FBXL19: variants seen among roughly 807,000 people sequenced by gnomAD.
FBXL19 encodes the protein F-box/LRR-repeat protein 19.
FBXL19 carries 16 observed loss-of-function variants against 71.2 expected under a neutral mutation model. The observed-to-expected ratio is 0.22, with a 90% CI of 0.15 to 0.34. The LOEUF is 0.34. Among genes scored for constraint, FBXL19 ranks in the 10% least tolerant of loss-of-function variants. FBXL19 has a pLI of 1.00. For synonymous variants in FBXL19, 447 were observed against 409.4 expected (o/e 1.09, Z -1.11); for missense variants, 658 against 968.2 (o/e 0.68, Z 4.25).
Position 30,948,302 on chromosome 16 carries a change from G to T in FBXL19, c.*1072G>T, listed in dbSNP as rs571411324. The T allele has an allele frequency of 1.2e-4, 19 of 153,266 alleles. No homozygotes were observed. The South Asian group carries it at 3.6e-3, about 29-fold the overall frequency. The allele number at this position is 153,266 out of a possible 1,614,324, so 9.5% of individuals were successfully genotyped here. On this transcript the variant is annotated 3_prime_UTR_variant, in exon 11 of 11. Coordinates refer to ENST00000338343, the MANE Select transcript of FBXL19 (RefSeq NM_001382779.1). ...GGAAACTTGTATCCCATTTGCCCAG[G>T]GAACTGCCACTCCTGGTTGCCATGG... is the stretch of plus-strand genomic sequence containing the variant.
rs1455245691 is a variant in FBXL19 at position 30,946,632 on chromosome 16, TCA to T, written c.1628-96_1628-95del. 2.5e-6 allele frequency: 3 copies of T among 1,189,940 alleles called. No individual in the cohort carries two copies. The African/African-American group carries it at 4.5e-5, about 18-fold the overall frequency. 73.7% of individuals were successfully genotyped at this position (1,189,940 alleles called of 1,614,324 possible). On this transcript the variant is annotated intron_variant, in intron 9 of 10. Transcript: ENST00000338343. This position sits in a 1 kb window ranked among gnomAD's most constrained non-coding sequence, Gnocchi z 6.7. ...CAAGCCACAGAGTGCACCAGGTCACTCACTTATGTGGGAAGCAGGTGGAGGGC... is the reference window on the plus strand; with the variant it reads ...CAAGCCACAGAGTGCACCAGGTCACTCTTATGTGGGAAGCAGGTGGAGGGC...
chr16:30,930,681 T>G lies in FBXL19; in HGVS notation c.1301+97T>G. On this transcript the variant is annotated intron_variant, in intron 7 of 10. Coordinates refer to ENST00000338343, the MANE Select transcript of FBXL19 (RefSeq NM_001382779.1). This position sits in a 1 kb window ranked among gnomAD's most constrained non-coding sequence, Gnocchi z 8.5. The stretch of plus-strand genomic sequence containing the variant: ...CTCTGGCCCTCTCTGGGCCTTGCTT[T>G]TATATTGGGGATACTTCTCTAGTAT... 1 of 1,290,856 alleles carries G rather than the reference T, an allele frequency of 7.7e-7. No homozygotes were observed. The highest frequency in any genetic ancestry group is 1.0e-6 in the Non-Finnish European group (1 of 993,784). The allele number at this position is 1,290,856 out of a possible 1,614,324, so 80.0% of individuals were successfully genotyped here.
chr16:30,927,469 C>T lies in FBXL19; in HGVS notation c.321+18C>T, dbSNP rs1185094421. ...GCCTGAAGGTGATGGCCCTGGGACCCCGGCGTCTGGGGTGGGGCAGATTGT... is the reference window on the plus strand; with the variant it reads ...GCCTGAAGGTGATGGCCCTGGGACCTCGGCGTCTGGGGTGGGGCAGATTGT... On this transcript the variant is annotated intron_variant, in intron 3 of 10. Coordinates refer to ENST00000338343, the MANE Select transcript of FBXL19 (RefSeq NM_001382779.1). 4 of 1,582,094 alleles carry T rather than the reference C, an allele frequency of 2.5e-6. No homozygotes were observed. The Admixed American group carries it at 7.3e-5, about 29-fold the overall frequency.
rs1202942866 is a variant in FBXL19, at chr16:30,927,401, C to T, written c.271C>T (p.Leu91Phe). 1 of 1,593,786 alleles carries T rather than the reference C, an allele frequency of 6.3e-7. No homozygotes were observed. The highest frequency in any genetic ancestry group is 8.5e-7 in the Non-Finnish European group (1 of 1,170,100). ...EGEEEKFGLS[L>F]MECTICNEIV... ...AGAGGAAGAGAAATTTGGTTTGAGC[C>T]TCATGGAGTGTACAATCTGCAACGA... Residue 91 changes from leucine to phenylalanine, a missense_variant, in exon 3 of 11, where the codon CTC becomes TTC. Coordinates refer to ENST00000338343, the MANE Select transcript of FBXL19 (RefSeq NM_001382779.1).
chr16:30,924,812 A>C, intron 1 of FBXL19: 1 of 1,381,516 alleles, frequency 7.2e-7, no homozygotes, highest in Non-Finnish European at 9.5e-7. Flanking sequence ...CTAATTCCAC[A>C]TGGGATCTTG....
At position 30,942,632 on chromosome 16, in the gene FBXL19, A is replaced by G; in HGVS notation, c.1627+96A>G. ...TCTGACTCATGCTGGATGGTAAAGT[A>G]TTTGAAGAAAGGAAAGAATACATGA... On this transcript the variant is annotated intron_variant, in intron 9 of 10. Transcript: ENST00000338343. This position sits in a 1 kb window ranked among gnomAD's most constrained non-coding sequence, Gnocchi z 5.7. 5 of 1,434,348 alleles carry G rather than the reference A, an allele frequency of 3.5e-6. No individual in the cohort carries two copies. Among genetic ancestry groups the G allele is most frequent in the Non-Finnish European group, 4.6e-6 (5 of 1,095,722 alleles). 88.9% of individuals were successfully genotyped at this position (1,434,348 alleles called of 1,614,324 possible).
chr16:30,935,012 C>T (rs1567340000), intron 7 of FBXL19, among the ~76,000 whole-genome samples: 1 of 152,098 alleles, frequency 6.6e-6, no homozygotes, highest in Non-Finnish European at 1.5e-5. Flanking sequence ...GGTGTGCCCC[C>T]GAGTAGAGAA....
In FBXL19 at chr16:30,930,742, G is replaced by A. The variant is rs1007901943; in HGVS notation, c.1301+158G>A. On this transcript the variant is annotated intron_variant, in intron 7 of 10. Transcript: ENST00000338343. This position sits in a 1 kb window ranked among gnomAD's most constrained non-coding sequence, Gnocchi z 8.5. Reference sequence around the variant, plus strand: ...CAGTGCATCCTTCCGTATTTCCCGTGTGCAGGCTACTTTCCACTTATGGGC... The same window carrying A: ...CAGTGCATCCTTCCGTATTTCCCGTATGCAGGCTACTTTCCACTTATGGGC... 3.3e-5 allele frequency among the ~76,000 whole-genome samples: 5 copies of A among 152,322 alleles called. No homozygotes were observed. The highest frequency in any genetic ancestry group is 2.9e-5 in the Non-Finnish European group (2 of 68,028).
upstream of FBXL19, among the ~76,000 whole-genome samples, chr16:30,923,539 G>A (rs1197095735): frequency 7.0e-6 from 1 of 142,938 alleles, no homozygotes; most frequent in Non-Finnish European, 1.5e-5. Flanking sequence ...GGAGGAGGAG[G>A]AGGGAAGGAG....
In FBXL19 at chr16:30,947,782, A is replaced by C. The variant is rs1310980666; in HGVS notation, c.*552A>C. On this transcript the variant is annotated 3_prime_UTR_variant, in exon 11 of 11. Coordinates refer to ENST00000338343, the MANE Select transcript of FBXL19 (RefSeq NM_001382779.1). ...AGCTGGGGCTGAGCTGGAGGTGGGG[A>C]TGAGAGCAGGTGTGGGGACAGCAAT... 1 of 414,610 alleles carries C rather than the reference A, an allele frequency of 2.4e-6. No homozygotes were observed. The highest frequency in any genetic ancestry group is 2.1e-5 in the African/African-American group (1 of 47,748). The allele number at this position is 414,610 out of a possible 1,614,324, so 25.7% of individuals were successfully genotyped here.
At chr16:30,935,084 G>T (rs902809629) in intron 7 of FBXL19, among the ~76,000 whole-genome samples, 1 of 152,170 alleles carries the variant, frequency 6.6e-6, no homozygotes, top group African/African-American at 2.4e-5. Context: ...GGGAGATCAA[G>T]GACCAGGAAG....
intron 1 of FBXL19, chr16:30,924,778 A>T (rs1289960390): frequency 6.8e-7 from 1 of 1,477,990 alleles, no homozygotes; most frequent in Non-Finnish European, 8.9e-7. Context: ...GGTAAGACTG[A>T]CTGGGAAGAG....
Position 30,925,775 on chromosome 16 carries a change from G to A in FBXL19, c.21G>A (p.Gly7=), listed in dbSNP as rs892304263. Residue 7 remains glycine, a synonymous_variant, in exon 2 of 11, where the codon GGG becomes GGA. Transcript: ENST00000338343. The surrounding 1 kb of genome is among the most constrained non-coding windows in gnomAD (Gnocchi z 5.0). MSSSSR[G]PGAGARRRRT... is the part of the protein sequence containing the mutation. ...CCCCAATGTCGTCGAGCAGCCGGGG[G>A]CCGGGGGCCGGAGCGCGCCGACGCC... 7.4e-6 allele frequency: 11 copies of A among 1,486,368 alleles called. No individual in the cohort carries two copies. The highest frequency in any genetic ancestry group is 8.0e-6 in the Non-Finnish European group (9 of 1,123,070). 92.1% of individuals were successfully genotyped at this position (1,486,368 alleles called of 1,614,324 possible).
chr16:30,931,654 A>G (rs1047111792), intron 7 of FBXL19, among the ~76,000 whole-genome samples: 2 of 152,210 alleles, frequency 1.3e-5, no homozygotes, highest in African/African-American at 2.4e-5. Context: ...GCCTTCTGGT[A>G]TCTGCAGAGA....
In FBXL19 at chr16:30,927,313, G is replaced by A. The variant is rs1247679525; in HGVS notation, c.183G>A (p.Val61=). 37 of 1,565,612 alleles carry A rather than the reference G, an allele frequency of 2.4e-5. No individual in the cohort carries two copies. The highest frequency in any genetic ancestry group is 3.1e-5 in the Non-Finnish European group (36 of 1,155,130). ...TGTCCCCTCTCCCCCAACAGCCCGT[G>A]CTCCCACACACAGCTGTGTGCCTCT... ...SCLLRQCTAP[V]LPHTAVCLLC... The change falls in exon 3 of 11, where the codon GTG becomes GTA. Residue 61 remains valine, a synonymous_variant. Coordinates refer to ENST00000338343, the MANE Select transcript of FBXL19 (RefSeq NM_001382779.1).
In FBXL19 at chr16:30,942,457, C is replaced by T; in HGVS notation, c.1548C>T (p.Leu516=). 1.2e-6 allele frequency: 2 copies of T among 1,604,910 alleles called. No homozygotes were observed. The highest frequency in any genetic ancestry group is 1.7e-6 in the Non-Finnish European group (2 of 1,176,110). ...LGSAPLPALR[L]LDLRWIEDVK... ...CAGCCCCACTGCCAGCCCTGCGGCT[C>T]CTGGACCTCCGCTGGATCGAGGATG... is the stretch of plus-strand genomic sequence containing the variant. The change falls in exon 9 of 11, where the codon CTC becomes CTT. Residue 516 remains leucine, a synonymous_variant. Transcript: ENST00000338343. The surrounding 1 kb of genome is among the most constrained non-coding windows in gnomAD (Gnocchi z 5.7).
rs746817391 is a variant in FBXL19, at chr16:30,930,129, G to A, written c.846G>A (p.Pro282=). 71 of 1,613,408 alleles carry A rather than the reference G, an allele frequency of 4.4e-5. 1 individual carries two copies. The highest frequency in any genetic ancestry group is 2.5e-4 in the East Asian group (11 of 44,896). Residue 282 remains proline, a synonymous_variant, in exon 7 of 11, where the codon CCG becomes CCA. Transcript: ENST00000338343. The surrounding 1 kb of genome is among the most constrained non-coding windows in gnomAD (Gnocchi z 8.5). ...AEGPAVPSPS[P]QREKLERFKR... ...GCCCAGCGGTGCCGTCCCCGTCCCC[G>A]CAGAGGGAGAAGCTAGAGCGTTTCA...
In FBXL19 at chr16:30,946,279, C is replaced by T. The variant is rs887004495; in HGVS notation, c.1628-451C>T. Among the ~76,000 whole-genome samples the T allele has an allele frequency of 1.3e-5, 2 of 152,196 alleles. No individual in the cohort carries two copies. Among genetic ancestry groups the T allele is most frequent in the Non-Finnish European group, 2.9e-5 (2 of 68,028 alleles). ...GGTGCAGTGGCACAATCGTGGCTCACTGCAACCTCCACCTCTCGGGTTCAA... is the reference window on the plus strand; with the variant it reads ...GGTGCAGTGGCACAATCGTGGCTCATTGCAACCTCCACCTCTCGGGTTCAA... On this transcript the variant is annotated intron_variant, in intron 9 of 10. Coordinates refer to ENST00000338343, the MANE Select transcript of FBXL19 (RefSeq NM_001382779.1). The surrounding 1 kb of genome is among the most constrained non-coding windows in gnomAD (Gnocchi z 6.7).
In FBXL19 at chr16:30,942,185, C is replaced by A; in HGVS notation, c.1371C>A (p.Leu457=). ...GGAAGTCACTGACCCCGCCCATGCTCAGTGGTGTGGTTCGCCGCCAGCCCC... is the reference window on the plus strand; with the variant it reads ...GGAAGTCACTGACCCCGCCCATGCTAAGTGGTGTGGTTCGCCGCCAGCCCC... The part of the protein sequence containing the change: ...SRRKSLTPPM[L]SGVVRRQPRA... Residue 457 remains leucine (L), a synonymous_variant, in exon 8 of 11, where the codon CTC becomes CTA. Coordinates refer to ENST00000338343, the MANE Select transcript of FBXL19 (RefSeq NM_001382779.1). The surrounding 1 kb of genome is among the most constrained non-coding windows in gnomAD (Gnocchi z 5.7). 1 of 1,596,344 alleles carries A rather than the reference C, an allele frequency of 6.3e-7. No individual in the cohort carries two copies. The highest frequency in any genetic ancestry group is 1.1e-5 in the South Asian group (1 of 88,284).
Sources: gnomAD v4.1 joint callset for allele counts (sites outside exome capture counted in the v4.1 genomes callset) on GRCh38, gnomAD v4.1.1 for gene constraint, Gnocchi (gnomAD v3.1) non-coding constraint, MANE v1.5 for transcripts, NCBI Gene and HGNC (gene_info 2026-07-23, HGNC 2026-07-21) for gene names.